NR2C2: variants seen among roughly 807,000 people sequenced by gnomAD.
The protein encoded by NR2C2 is nuclear receptor subfamily 2 group C member 2, also known as Nuclear hormone receptor TR4.
In NR2C2, 6 loss-of-function variants were observed where a neutral mutation model predicts 62.9. The ratio of observed to expected loss-of-function variants is 0.10; its 90% CI spans 0.05 to 0.19. The LOEUF is 0.19. Ranked by LOEUF, NR2C2 falls within the 10% of genes least tolerant of loss-of-function variation. The pLI, the probability that NR2C2 is intolerant of heterozygous loss-of-function variation, is 1.00. For missense variants in NR2C2, 479 were observed against 762.7 expected (o/e 0.63, Z 4.38); for synonymous variants, 272 against 273.8 (o/e 0.99, Z 0.07).
chr3:15,011,193 G>A (rs182920263), intron 2 of NR2C2, among the ~76,000 whole-genome samples: 39 of 152,268 alleles, frequency 2.6e-4, no homozygotes, highest in African/African-American at 9.1e-4. Flanking sequence ...TAAAAAATTA[G>A]CTGGGTGTGG....
rs1575016202 is a variant in NR2C2 at position 15,021,009 on chromosome 3, A to G, written c.556+77A>G. 2.2e-6 allele frequency: 3 copies of G among 1,384,630 alleles called. No individual in the cohort carries two copies. In the Admixed American group the frequency reaches 6.5e-5, roughly 30 times the overall value. The allele number at this position is 1,384,630 out of a possible 1,614,324, so 85.8% of individuals were successfully genotyped here. ...AATGAGTCCATTAAATAAGGTTTCT[A>G]TACCTGGCCTTAAAATACTTTAAGA... On this transcript the variant is annotated intron_variant, in intron 5 of 13. Transcript: ENST00000425241.
chr3:14,981,313 A>C (rs1404002364), intron 1 of NR2C2, among the ~76,000 whole-genome samples: 1 of 152,094 alleles, frequency 6.6e-6, no homozygotes, highest in Non-Finnish European at 1.5e-5. Flanking sequence ...TGAAAATATT[A>C]AAAAGTTAGG....
chr3:15,042,143 G>A (rs1263537337), intron 13 of NR2C2, among the ~76,000 whole-genome samples: 2 of 152,176 alleles, frequency 1.3e-5, no homozygotes, highest in African/African-American at 4.8e-5. Flanking sequence ...TCCAGTCCTG[G>A]CTGGGGAATG....
chr3:14,977,993 T>C (rs1222721772), intron 1 of NR2C2, among the ~76,000 whole-genome samples: 3 of 149,214 alleles, frequency 2.0e-5, no homozygotes, highest in African/African-American at 7.4e-5. Context: ...AGACTTCAGC[T>C]CAGCTGCAGG....
chr3:15,016,194 A>G lies in NR2C2; in HGVS notation c.316A>G (p.Thr106Ala), dbSNP rs2041507332. 1 of 1,614,028 alleles carries G rather than the reference A, an allele frequency of 6.2e-7. No individual in the cohort carries two copies. The highest frequency in any genetic ancestry group is 8.5e-7 in the Non-Finnish European group (1 of 1,180,006). ...CTCTGTGGAGCGTTTACTGGGGAAG[A>G]CGGACGTCCAGCGGCCCCAGGTGGT... ...SASVERLLGK[T>A]DVQRPQVVEY... The change falls in exon 4 of 14, where the codon ACG (threonine) becomes GCG (alanine). Residue 106 changes from threonine to alanine, a missense_variant. By Grantham distance (58) the Thr-to-Ala change is moderately conservative. Coordinates refer to ENST00000425241, the MANE Select transcript of NR2C2 (RefSeq NM_001291694.2).
Position 14,947,807 on chromosome 3 carries a change from A to C in NR2C2, c.-139A>C. 6.9e-6 allele frequency: 1 copy of C among 145,170 alleles called. No individual in the cohort carries two copies. Among genetic ancestry groups the C allele is most frequent in the South Asian group, 2.2e-4 (1 of 4,508 alleles). 9.0% of individuals were successfully genotyped at this position (145,170 alleles called of 1,614,324 possible). On this transcript the variant is annotated 5_prime_UTR_variant, in exon 1 of 14. Coordinates refer to ENST00000425241, the MANE Select transcript of NR2C2 (RefSeq NM_001291694.2). ...CCCCGGGCTCCCGCCATCCGCCGAC[A>C]CCGGGAGCCCGGGCTCCCCGCGCCC...
chr3:14,998,759 C>T (rs1193337394), intron 1 of NR2C2, among the ~76,000 whole-genome samples: 1 of 152,168 alleles, frequency 6.6e-6, no homozygotes, highest in Non-Finnish European at 1.5e-5. Context: ...CACCTGTAAT[C>T]CCAACACTTT....
At position 14,988,248 on chromosome 3, in the gene NR2C2, C is replaced by G. The variant is rs143541231; in HGVS notation, c.-39-15628C>G. Among the ~76,000 whole-genome samples, 524 of 152,376 alleles carry G rather than the reference C, an allele frequency of 3.4e-3. 3 individuals are homozygous for G. The highest frequency in any genetic ancestry group is 0.012 in the African/African-American group (488 of 41,592). ...AAGCTTGGAGATGGACCTCCAGCTT[C>G]CAGTGCCAAGTCTCTCAGACCAGTG... On this transcript the variant is annotated intron_variant, in intron 1 of 13. Transcript: ENST00000425241.
intron 1 of NR2C2, 120 bp downstream of exon 1, chr3:14,948,026 T>C (rs1308213487): frequency 1.3e-5 from 2 of 149,506 alleles, no homozygotes; most frequent in East Asian, 2.0e-4. Context: ...TGCCACGGGG[T>C]GGCGGCGGCG....
At chr3:14,952,680 G>C (rs1414663293) in intron 1 of NR2C2, among the ~76,000 whole-genome samples, 2 of 152,270 alleles carry the variant, frequency 1.3e-5, no homozygotes, top group Non-Finnish European at 2.9e-5. Flanking sequence ...GTTACACATT[G>C]TAAAAGATAT....
At chr3:14,980,804 A>G (rs62241839) in intron 1 of NR2C2, among the ~76,000 whole-genome samples, 10,933 of 152,258 alleles carry the variant, frequency 0.072, 432 homozygotes, top group Middle Eastern at 0.099. Context: ...AGAAATGCAT[A>G]AAGATAGAGG....
chr3:15,039,866 T>G (rs1297312707), intron 13 of NR2C2, among the ~76,000 whole-genome samples: 1 of 152,144 alleles, frequency 6.6e-6, no homozygotes, highest in Non-Finnish European at 1.5e-5. Flanking sequence ...GTATAAAAAT[T>G]AGGACCGGGC....
chr3:14,957,397 A>C (rs1448012380), intron 1 of NR2C2, among the ~76,000 whole-genome samples: 3 of 152,156 alleles, frequency 2.0e-5, no homozygotes, highest in Non-Finnish European at 2.9e-5. Context: ...TCTGGTTGCA[A>C]GGTTTAGTTA....
At chr3:15,003,018 T>C (rs1349080239) in intron 1 of NR2C2, among the ~76,000 whole-genome samples, 2 of 151,022 alleles carry the variant, frequency 1.3e-5, no homozygotes, top group African/African-American at 2.4e-5. Flanking sequence ...CAATCTCCGC[T>C]TACTGCAGCC....
Position 15,049,100 on chromosome 3 carries a change from A to G in NR2C2, c.*6092A>G, listed in dbSNP as rs535786898. 2.6e-5 allele frequency: 4 copies of G among 152,766 alleles called. No homozygotes were observed. The highest frequency in any genetic ancestry group is 2.1e-4 in the South Asian group (1 of 4,832). 9.5% of individuals were successfully genotyped at this position (152,766 alleles called of 1,614,324 possible). On this transcript the variant is annotated 3_prime_UTR_variant, in exon 14 of 14. Transcript: ENST00000425241. The stretch of plus-strand genomic sequence containing the variant: ...TTAAACTGAATTTTATATCTAATCA[A>G]TGTCTTCAGTCTTGAAGAAGAATTT...
intron 1 of NR2C2, among the ~76,000 whole-genome samples, chr3:14,975,090 GC>G (rs1480841911): frequency 6.6e-6 from 1 of 152,140 alleles, no homozygotes; most frequent in Non-Finnish European, 1.5e-5. Flanking sequence ...CTAATAACAT[GC>G]AGTTTTGCTG....
chr3:15,036,533 C>T (rs1052011683), intron 11 of NR2C2, among the ~76,000 whole-genome samples: 1 of 152,104 alleles, frequency 6.6e-6, no homozygotes, highest in African/African-American at 2.4e-5. Flanking sequence ...CTCTGTGTTG[C>T]CAGGCTGGAG....
intron 1 of NR2C2, among the ~76,000 whole-genome samples, chr3:14,965,324 A>T (rs2125263104): frequency 6.6e-6 from 1 of 152,256 alleles, no homozygotes; most frequent in East Asian, 1.9e-4. Context: ...AGAGGCCATC[A>T]TTCTTTCTTT....
chr3:14,968,041 T>G (rs1042285208), intron 1 of NR2C2, among the ~76,000 whole-genome samples: 5 of 152,070 alleles, frequency 3.3e-5, no homozygotes, highest in South Asian at 4.1e-4. Flanking sequence ...AACCCTAGAA[T>G]AAAACCTAGG....
Sources: gnomAD v4.1 joint callset for allele counts (sites outside exome capture counted in the v4.1 genomes callset) on GRCh38, gnomAD v4.1.1 for gene constraint, MANE v1.5 for transcripts, NCBI Gene and HGNC (gene_info 2026-07-23, HGNC 2026-07-21) for gene names.